Variants in PNPLA3 observed in about 807,000 individuals in gnomAD.
PNPLA3 encodes the protein 1-acylglycerol-3-phosphate O-acyltransferase PNPLA3.
In PNPLA3, 42 loss-of-function variants were observed where a neutral mutation model predicts 43.1. The ratio of observed to expected loss-of-function variants is 0.97; its 90% CI spans 0.76 to 1.26. The LOEUF (loss-of-function observed/expected upper bound fraction) is 1.26, where lower values mean the gene tolerates loss of function less well. Ranked by LOEUF, PNPLA3 falls within the 50% of genes most tolerant of loss-of-function variation. PNPLA3 has a pLI of 0.00. For missense variants in PNPLA3, 647 were observed against 621.4 expected, an observed-to-expected ratio of 1.04 and a Z score of -0.44; for synonymous variants, 272 against 253.6, an observed-to-expected ratio of 1.07 and a Z score of -0.69.
chr22:43,924,800 A>G (rs1338939459), intron 1 of PNPLA3, among the ~76,000 whole-genome samples: 3 of 151,922 alleles, frequency 2.0e-5, no homozygotes, highest in Admixed American at 1.3e-4. Flanking sequence ...GGCGCCAGCC[A>G]CCAAGCCCGG....
intron 8 of PNPLA3, among the ~76,000 whole-genome samples, chr22:43,945,440 C>A (rs141702134): frequency 1.5e-4 from 23 of 152,268 alleles, no homozygotes; most frequent in Non-Finnish European, 3.2e-4. Context: ...AAATCATAGG[C>A]CTTGGTTTCC....
intron 3 of PNPLA3, 148 bp from the exon 4 acceptor site, chr22:43,932,730 A>C (rs1477487640): frequency 2.9e-6 from 2 of 697,416 alleles, no homozygotes; most frequent in Non-Finnish European, 2.5e-6. Context: ...GATTTGTCGC[A>C]GGAGTGATTC....
intron 3 of PNPLA3, among the ~76,000 whole-genome samples, chr22:43,929,839 C>T (rs533890000): frequency 3.9e-5 from 6 of 152,160 alleles, no homozygotes; most frequent in Admixed American, 6.5e-5. Context: ...TCAGGTGATC[C>T]GCCCGCCTTG....
At chr22:43,928,449 G>A (rs1437209733) in intron 2 of PNPLA3, among the ~76,000 whole-genome samples, 1 of 152,126 alleles carries the variant, frequency 6.6e-6, no homozygotes, top group African/African-American at 2.4e-5. Context: ...CAGAATCTCT[G>A]GTTCCACAGG....
intron 1 of PNPLA3, among the ~76,000 whole-genome samples, chr22:43,925,619 C>G (rs2049916907): frequency 1.3e-5 from 2 of 152,124 alleles, no homozygotes; most frequent in African/African-American, 4.8e-5. Flanking sequence ...TGGGCAGCCC[C>G]TGGGCTGACT....
chr22:43,927,100 T>C lies in PNPLA3; in HGVS notation c.353T>C (p.Leu118Pro). 1 of 1,614,242 alleles carries C rather than the reference T, an allele frequency of 6.2e-7. No homozygotes were observed. The highest frequency in any genetic ancestry group is 8.5e-7 in the Non-Finnish European group (1 of 1,180,046). The change falls in exon 2 of 9, where the codon CTT becomes CCT. Residue 118 changes from leucine (L) to proline (P), a missense_variant. By Grantham distance (98) the Leu-to-Pro change is moderately conservative. Coordinates refer to ENST00000216180, the MANE Select transcript of PNPLA3 (RefSeq NM_025225.3). The stretch of plus-strand genomic sequence containing the variant: ...ATCTCCGGCAAAATAGGCATCTCTC[T>C]TACCAGAGTGTCTGATGGGGAAAAC... ...QLISGKIGIS[L>P]TRVSDGENVL...
intron 2 of PNPLA3, among the ~76,000 whole-genome samples, 167 bp from the exon 3 acceptor site, chr22:43,928,657 C>T (rs779156765): frequency 5.2e-5 from 6 of 115,652 alleles, no homozygotes; most frequent in African/African-American, 1.4e-4. Flanking sequence ...GCCTGAAGTC[C>T]GAGGGTGTAT....
intron 3 of PNPLA3, among the ~76,000 whole-genome samples, chr22:43,929,771 A>G (rs1447521353): frequency 6.6e-6 from 1 of 151,460 alleles, no homozygotes; most frequent in East Asian, 2.0e-4. Flanking sequence ...TAATTTTTGT[A>G]TTTTTAGTAG....
chr22:43,927,029 C>G lies in PNPLA3; in HGVS notation c.282C>G (p.Leu94=). The stretch of plus-strand genomic sequence containing the variant: ...CATCCTTCAACTTAAGCAAGTTCCT[C>G]CGACAGGGTCTCTGCAAATGCCTCC... ...FHPSFNLSKF[L]RQGLCKCLPA... is the part of the protein sequence containing the mutation. The change falls in exon 2 of 9, where the codon CTC becomes CTG. Residue 94 remains leucine, a synonymous_variant. Coordinates refer to ENST00000216180, the MANE Select transcript of PNPLA3 (RefSeq NM_025225.3). 1 of 1,614,262 alleles carries G rather than the reference C, an allele frequency of 6.2e-7. No homozygotes were observed. The highest frequency in any genetic ancestry group is 2.2e-5 in the East Asian group (1 of 44,894).
At chr22:43,938,945 A>G (rs554934981) in intron 6 of PNPLA3, among the ~76,000 whole-genome samples, 1 of 152,164 alleles carries the variant, frequency 6.6e-6, no homozygotes, top group South Asian at 2.1e-4. Context: ...GGTTTTTGAG[A>G]CAGAGTCTCA....
At chr22:43,942,371 C>T (rs925033749) in intron 7 of PNPLA3, among the ~76,000 whole-genome samples, 1 of 152,148 alleles carries the variant, frequency 6.6e-6, no homozygotes. Flanking sequence ...TGTTGGGAAA[C>T]GTGCTTTTTT....
rs528626445 is a variant in PNPLA3 at position 43,943,156 on chromosome 22, G to A, written c.1113-1535G>A. Reference sequence around the variant, plus strand: ...TCTTGTTCTTTTTTCTTAGCATTCTGTTCTTGTTTTATGGATGTAACATTC... The same window carrying A: ...TCTTGTTCTTTTTTCTTAGCATTCTATTCTTGTTTTATGGATGTAACATTC... On this transcript the variant is annotated intron_variant, in intron 7 of 8. Transcript: ENST00000216180. 5.3e-5 allele frequency among the ~76,000 whole-genome samples: 8 copies of A among 152,116 alleles called. No individual in the cohort carries two copies. In the East Asian group the frequency reaches 5.8e-4, roughly 11 times the overall value.
intron 6 of PNPLA3, chr22:43,939,454 G>C: frequency 1.1e-6 from 1 of 929,204 alleles, no homozygotes; most frequent in Non-Finnish European, 1.3e-6. Flanking sequence ...CCTATGCTCC[G>C]TAAGCACTCT....
chr22:43,924,040 G>T lies in PNPLA3; in HGVS notation c.129G>T (p.Leu43Phe), dbSNP rs753144787. The T allele has an allele frequency of 6.3e-6, 10 of 1,580,490 alleles. No individual in the cohort carries two copies. The African/African-American group carries it at 6.9e-5, about 11-fold the overall frequency. The change falls in exon 1 of 9, where the codon TTG becomes TTT. Residue 43 changes from leucine (L) to phenylalanine (F), a missense_variant. By Grantham distance (22) the Leu-to-Phe change is conservative. Transcript: ENST00000216180. The stretch of plus-strand genomic sequence containing the variant: ...ACCTCCTCCGCGACGCGCGCATGTT[G>T]TTCGGCGCTTCGGCCGGGGCGTTGC... ...APHLLRDARM[L>F]FGASAGALHC...
chr22:43,937,256 G>T lies in PNPLA3; in HGVS notation c.963G>T (p.Ser321=). The T allele has an allele frequency of 6.2e-7, 1 of 1,613,782 alleles. No individual in the cohort carries two copies. Among genetic ancestry groups the T allele is most frequent in the Admixed American group, 1.7e-5 (1 of 60,006 alleles). Residue 321 remains serine, a synonymous_variant, in exon 6 of 9, where the codon TCG becomes TCT. Transcript: ENST00000216180. The part of the protein sequence containing the change: ...PWDESILDTL[S]PRLATALSEE... ...ATGAGAGCATCCTGGACACCCTCTC[G>T]CCCAGGCTCGCTACAGGTACCCACT...
chr22:43,926,496 C>T (rs557392890), intron 1 of PNPLA3, among the ~76,000 whole-genome samples: 2 of 152,140 alleles, frequency 1.3e-5, no homozygotes, highest in Admixed American at 6.6e-5. Context: ...GAGGCCTGCT[C>T]GCCTGGGCTT....
At chr22:43,934,011 A>G (rs1024638784) in intron 4 of PNPLA3, among the ~76,000 whole-genome samples, 1 of 152,138 alleles carries the variant, frequency 6.6e-6, no homozygotes, top group African/African-American at 2.4e-5. Flanking sequence ...TCCGGGACCA[A>G]GGGAGCCCAA....
At position 43,946,864 on chromosome 22, in the gene PNPLA3, T is replaced by C. The variant is rs1411059716; in HGVS notation, c.*482T>C. 2.5e-6 allele frequency: 1 copy of C among 398,644 alleles called. No homozygotes were observed. Among genetic ancestry groups the C allele is most frequent in the African/African-American group, 2.1e-5 (1 of 48,642 alleles). 24.7% of individuals were successfully genotyped at this position (398,644 alleles called of 1,614,324 possible). A position where few individuals can be genotyped will look rare whatever the true frequency, so the allele number is the denominator to read the frequency against. On this transcript the variant is annotated 3_prime_UTR_variant, in exon 9 of 9. Transcript: ENST00000216180. ...GAACGACACTGCCTGTCAGGTGGTCTGCAAAGATGATAACCTTGACTACTA... is the reference window on the plus strand; with the variant it reads ...GAACGACACTGCCTGTCAGGTGGTCCGCAAAGATGATAACCTTGACTACTA...
In PNPLA3 at chr22:43,925,530, G is replaced by T. The variant is rs58002102; in HGVS notation, c.188-1405G>T. Among the ~76,000 whole-genome samples, 4 of 152,238 alleles carry T rather than the reference G, an allele frequency of 2.6e-5. No homozygotes were observed. The East Asian group carries it at 7.7e-4, about 29-fold the overall frequency. ...TCCTTAACAATGGACTCTTTGCCCT[G>T]CCTGCCAGAGCCAGCAGGGAGTGAC... On this transcript the variant is annotated intron_variant, in intron 1 of 8. Transcript: ENST00000216180.
Sources: gnomAD v4.1 joint callset for allele counts (sites outside exome capture counted in the v4.1 genomes callset) on GRCh38, gnomAD v4.1.1 for gene constraint, MANE v1.5 for transcripts, NCBI Gene and HGNC (gene_info 2026-07-23, HGNC 2026-07-21) for gene names.